Variants in ARHGEF3 observed in about 807,000 individuals in gnomAD.
ARHGEF3 encodes the protein 59.8 kDA protein.
A neutral mutation model predicts 63.2 loss-of-function variants in ARHGEF3; 28 were observed. The ratio of observed to expected loss-of-function variants is 0.44; its 90% CI spans 0.33 to 0.61. ARHGEF3 has a LOEUF of 0.61. Ranked by LOEUF, ARHGEF3 falls within the 20% of genes least tolerant of loss-of-function variation. ARHGEF3 has a pLI of 0.03. For missense variants in ARHGEF3, 533 were observed against 659.3 expected (o/e 0.81, Z 2.10); for synonymous variants, 266 against 254.2 (o/e 1.05, Z -0.44).
upstream of ARHGEF3, among the ~76,000 whole-genome samples, chr3:56,805,306 C>T (rs893492081): frequency 1.3e-5 from 2 of 152,154 alleles, no homozygotes; most frequent in Non-Finnish European, 2.9e-5. Context: ...ACAATCTTGG[C>T]TCACTGCAGC....
intron 8 of ARHGEF3, among the ~76,000 whole-genome samples, chr3:56,735,907 G>A (rs2033586116): frequency 6.6e-6 from 1 of 152,158 alleles, no homozygotes. Flanking sequence ...CTAAACGGAT[G>A]TCCCTTGAAT....
chr3:56,794,902 G>A (rs1404013434), intron 1 of ARHGEF3, among the ~76,000 whole-genome samples: 1 of 151,716 alleles, frequency 6.6e-6, no homozygotes, highest in Non-Finnish European at 1.5e-5. Flanking sequence ...ATTTCACCCA[G>A]GCTAGGGTTG....
intron 3 of ARHGEF3, among the ~76,000 whole-genome samples, chr3:56,933,180 G>A (rs2042457610): frequency 6.6e-6 from 1 of 152,138 alleles, no homozygotes; most frequent in Admixed American, 6.5e-5. Context: ...GAATGTTCAA[G>A]AATATATTCA....
intron 4 of ARHGEF3, among the ~76,000 whole-genome samples, chr3:56,850,301 G>C (rs56272516): frequency 0.36 from 55,316 of 152,168 alleles, 11,780 homozygotes; most frequent in Non-Finnish European, 0.47. Context: ...GGCCAAGGCA[G>C]GGGGATCACT....
At chr3:56,997,949 T>C (rs6793630) in intron 2 of ARHGEF3, among the ~76,000 whole-genome samples, 24,620 of 152,208 alleles carry the variant, frequency 0.16, 2,265 homozygotes, top group Non-Finnish European at 0.21. Flanking sequence ...CAACGTCACA[T>C]GCAAGCTCTT....
intron 2 of ARHGEF3, among the ~76,000 whole-genome samples, chr3:56,997,970 T>A (rs1009713285): frequency 1.3e-5 from 2 of 152,198 alleles, no homozygotes; most frequent in Non-Finnish European, 2.9e-5. Context: ...CTGGCCTCTG[T>A]TTCCTCATCT....
intron 2 of ARHGEF3, among the ~76,000 whole-genome samples, chr3:57,012,953 G>A (rs1702766775): frequency 6.6e-6 from 1 of 152,216 alleles, no homozygotes; most frequent in South Asian, 2.1e-4. Context: ...GTGGGTGCGG[G>A]CTTGGCAGGC....
intron 1 of ARHGEF3, among the ~76,000 whole-genome samples, chr3:57,059,025 G>A (rs1303284719): frequency 6.6e-6 from 1 of 150,938 alleles, no homozygotes; most frequent in African/African-American, 2.4e-5. Context: ...ATAGCATTAG[G>A]AGATATACCT....
intron 3 of ARHGEF3, among the ~76,000 whole-genome samples, chr3:56,917,908 TG>T (rs2108356420): frequency 6.6e-6 from 1 of 152,340 alleles, no homozygotes; most frequent in East Asian, 1.9e-4. Flanking sequence ...GGCAAGCATC[TG>T]GGTCACCATG....
chr3:56,736,454 A>T (rs80291187), intron 8 of ARHGEF3, among the ~76,000 whole-genome samples: 1,859 of 152,304 alleles, frequency 0.012, 36 homozygotes, highest in African/African-American at 0.042. Flanking sequence ...TGTTATTTTT[A>T]AAAAATTGGT....
At chr3:56,977,432 C>CT (rs1701168454) in intron 2 of ARHGEF3, 2 of 405,452 alleles carry the variant, frequency 4.9e-6, no homozygotes, top group African/African-American at 4.1e-5. Flanking sequence ...GGCAACCACA[C>CT]TTTATGACCC....
intron 7 of ARHGEF3, among the ~76,000 whole-genome samples, chr3:56,739,860 G>A (rs1292328471): frequency 6.6e-6 from 1 of 151,802 alleles, no homozygotes; most frequent in Non-Finnish European, 1.5e-5. Context: ...ATGGAGAGAT[G>A]CACAATCTGT....
At chr3:56,917,950 G>C (rs991129849) in intron 3 of ARHGEF3, among the ~76,000 whole-genome samples, 36 of 152,242 alleles carry the variant, frequency 2.4e-4, no homozygotes, top group African/African-American at 7.2e-4. Flanking sequence ...TCGGTAATGA[G>C]TGTCAGATCA....
intron 1 of ARHGEF3, among the ~76,000 whole-genome samples, chr3:57,052,197 G>GC (rs1309724229): frequency 1.3e-5 from 2 of 152,322 alleles, no homozygotes; most frequent in African/African-American, 2.4e-5. Context: ...CAGCCAGCGT[G>GC]CCGCTTGTTC....
intron 3 of ARHGEF3, among the ~76,000 whole-genome samples, chr3:56,948,553 C>A (rs1699635707): frequency 6.6e-6 from 1 of 152,214 alleles, no homozygotes; most frequent in South Asian, 2.1e-4. Flanking sequence ...TTCCTCGACA[C>A]ATATTCCCTC....
chr3:57,026,230 T>C (rs1365549943), intron 2 of ARHGEF3, among the ~76,000 whole-genome samples: 1 of 151,992 alleles, frequency 6.6e-6, no homozygotes, highest in Non-Finnish European at 1.5e-5. Flanking sequence ...TGAGAGTCCA[T>C]CTATACAAAA....
At chr3:56,996,308 G>A (rs1270977042) in intron 2 of ARHGEF3, among the ~76,000 whole-genome samples, 8 of 152,076 alleles carry the variant, frequency 5.3e-5, no homozygotes, top group African/African-American at 1.4e-4. Context: ...CACTGCAAAC[G>A]AGAAGCTTCT....
At chr3:56,890,542 GA>G (rs2108280424) in intron 3 of ARHGEF3, among the ~76,000 whole-genome samples, 1 of 152,324 alleles carries the variant, frequency 6.6e-6, no homozygotes, top group South Asian at 2.1e-4. Context: ...GTCAGGCAGG[GA>G]GGGTATTAGA....
chr3:56,909,279 C>T (rs2041789622), intron 3 of ARHGEF3, among the ~76,000 whole-genome samples: 1 of 152,236 alleles, frequency 6.6e-6, no homozygotes, highest in South Asian at 2.1e-4. Context: ...TGTAGTGAAA[C>T]TATGAGAGGC....
Sources: gnomAD v4.1 joint callset for allele counts (sites outside exome capture counted in the v4.1 genomes callset) on GRCh38, gnomAD v4.1.1 for gene constraint, MANE v1.5 for transcripts, NCBI Gene and HGNC (gene_info 2026-07-23, HGNC 2026-07-21) for gene names.